The following PGM5 variants were observed in gnomAD, a reference collection of about 807,000 sequenced individuals.
PGM5 encodes phosphoglucomutase-like protein 5.
PGM5 carries 23 observed loss-of-function variants against 59.2 expected under a neutral mutation model. The ratio of observed to expected loss-of-function variants is 0.39; its 90% confidence interval spans 0.28 to 0.55. PGM5 has a LOEUF of 0.55. Ranked by LOEUF, PGM5 falls within the 20% of genes least tolerant of loss-of-function variation. The probability of loss-of-function intolerance (pLI) is 0.66; values close to 1 mark genes in which losing one functional copy is unlikely to be tolerated. For missense variants in PGM5, 574 were observed against 748.3 expected, an observed-to-expected ratio of 0.77 and a Z score of 2.72; for synonymous variants, 214 against 286.0, an observed-to-expected ratio of 0.75 and a Z score of 2.54.
At chr9:68,466,117 C>G in intron 7 of PGM5, 1 of 1,292,228 alleles carries the variant, frequency 7.7e-7, no homozygotes. Flanking sequence ...CTCTTACATT[C>G]ATTTTTCTGA....
chr9:68,362,639 A>C (rs1587768551), intron 1 of PGM5, among the ~76,000 whole-genome samples: 1 of 152,192 alleles, frequency 6.6e-6, no homozygotes, highest in African/African-American at 2.4e-5. Flanking sequence ...TCAGTGGTTT[A>C]GATCTTCTAT....
intron 9 of PGM5, among the ~76,000 whole-genome samples, chr9:68,488,344 T>C (rs1241202271): frequency 7.9e-5 from 12 of 152,294 alleles, no homozygotes; most frequent in Admixed American, 7.8e-4. Context: ...AGTCAGGAAA[T>C]AAACCATGGA....
At chr9:68,431,032 T>C (rs782028279) in intron 6 of PGM5, among the ~76,000 whole-genome samples, 1 of 152,222 alleles carries the variant, frequency 6.6e-6, no homozygotes, top group Non-Finnish European at 1.5e-5. Flanking sequence ...GAATAAATCC[T>C]GGGCCTTATG....
chr9:68,376,755 G>C (rs1821897063), intron 1 of PGM5, among the ~76,000 whole-genome samples: 1 of 149,114 alleles, frequency 6.7e-6, no homozygotes. Flanking sequence ...GGTGGGCCTT[G>C]AGGTTCTGCA....
At chr9:68,461,600 G>C (rs2132077005) in intron 6 of PGM5, among the ~76,000 whole-genome samples, 1 of 152,172 alleles carries the variant, frequency 6.6e-6, no homozygotes, top group Non-Finnish European at 1.5e-5. Context: ...ATGGCATTAA[G>C]ACCCTTATAA....
At chr9:68,515,153 T>C (rs542023529) in intron 10 of PGM5, among the ~76,000 whole-genome samples, 122 of 152,350 alleles carry the variant, frequency 8.0e-4, no homozygotes, top group African/African-American at 2.6e-3. Context: ...ACTTTAAATA[T>C]GTTAGGTTAA....
intron 8 of PGM5, among the ~76,000 whole-genome samples, chr9:68,482,719 G>T (rs527463988): frequency 8.1e-4 from 124 of 152,300 alleles, no homozygotes; most frequent in African/African-American, 2.9e-3. Context: ...ACAGTCCTAG[G>T]TGTGCCATTA....
intron 6 of PGM5, among the ~76,000 whole-genome samples, chr9:68,442,117 G>T (rs1823537793): frequency 6.6e-6 from 1 of 152,100 alleles, no homozygotes; most frequent in Non-Finnish European, 1.5e-5. Context: ...TAGTAAAGAT[G>T]TCATTTATTT....
intron 6 of PGM5, among the ~76,000 whole-genome samples, chr9:68,434,491 A>C (rs1427980699): frequency 2.0e-5 from 3 of 152,072 alleles, no homozygotes; most frequent in Non-Finnish European, 4.4e-5. Context: ...TAGTTAGCCA[A>C]AGGTGTGAAA....
intron 6 of PGM5, among the ~76,000 whole-genome samples, chr9:68,422,744 G>A (rs1037685464): frequency 3.3e-5 from 5 of 152,140 alleles, no homozygotes; most frequent in South Asian, 2.1e-4. Context: ...TTTTCCCATA[G>A]GTTATTGGGA....
intron 9 of PGM5, among the ~76,000 whole-genome samples, chr9:68,488,955 G>A (rs1323916663): frequency 6.6e-6 from 1 of 152,218 alleles, no homozygotes; most frequent in African/African-American, 2.4e-5. Flanking sequence ...CTTCTAAAGA[G>A]ATAGGACAGA....
At chr9:68,526,718 T>A (rs533709461) in intron 10 of PGM5, among the ~76,000 whole-genome samples, 1 of 152,274 alleles carries the variant, frequency 6.6e-6, no homozygotes, top group African/African-American at 2.4e-5. Flanking sequence ...GAAAAAATAA[T>A]TCTTCTATAA....
intron 6 of PGM5, among the ~76,000 whole-genome samples, chr9:68,411,490 A>G (rs1282279624): frequency 5.4e-5 from 8 of 147,346 alleles, no homozygotes; most frequent in African/African-American, 1.7e-4. Context: ...GTGTGTGTGT[A>G]TATATATATA....
In PGM5 at chr9:68,498,825, C is replaced by T. The variant is rs1425139168; in HGVS notation, c.1480-402C>T. ...ACCTTAATGTGGGCAATCCGTCTTA[C>T]TGTAATAGACAAATTGCCTGCTTTC... is the stretch of plus-strand genomic sequence containing the variant. On this transcript the variant is annotated intron_variant, in intron 9 of 10. Coordinates refer to ENST00000396396, the MANE Select transcript of PGM5 (RefSeq NM_021965.4). The T allele has an allele frequency of 2.4e-5, 5 of 208,308 alleles. No homozygotes were observed. The East Asian group carries it at 7.2e-4, about 30-fold the overall frequency. The allele number at this position is 208,308 out of a possible 1,614,324, so 12.9% of individuals were successfully genotyped here. A position where few individuals can be genotyped will look rare whatever the true frequency, so the allele number is the denominator to read the frequency against.
chr9:68,489,253 A>G (rs559888335), intron 9 of PGM5, among the ~76,000 whole-genome samples: 3 of 152,298 alleles, frequency 2.0e-5, no homozygotes, highest in Admixed American at 1.3e-4. Flanking sequence ...AGTGAAGGAC[A>G]GTGTGACAGA....
rs541611296 is a variant in PGM5, at chr9:68,469,291, G to A, written c.1159+4083G>A. On this transcript the variant is annotated intron_variant, in intron 7 of 10. Coordinates refer to ENST00000396396, the MANE Select transcript of PGM5 (RefSeq NM_021965.4). ...ACAAATTTGCCAACTAAAATCAAGCGATGTAACAATGTTTATTATTTCCAA... is the reference window on the plus strand; with the variant it reads ...ACAAATTTGCCAACTAAAATCAAGCAATGTAACAATGTTTATTATTTCCAA... Among the ~76,000 whole-genome samples the A allele has an allele frequency of 1.6e-3, 241 of 152,162 alleles. 1 individual carries two copies. The highest frequency in any genetic ancestry group is 3.5e-3 in the Admixed American group (53 of 15,288).
intron 10 of PGM5, among the ~76,000 whole-genome samples, chr9:68,514,264 T>C (rs564571920): frequency 6.6e-5 from 10 of 150,500 alleles, no homozygotes; most frequent in Non-Finnish European, 1.3e-4. Context: ...TGCTTAGGAG[T>C]TGAAGACCAG....
intron 6 of PGM5, among the ~76,000 whole-genome samples, chr9:68,420,554 A>G (rs1408132452): frequency 2.6e-5 from 4 of 152,328 alleles, no homozygotes; most frequent in African/African-American, 9.6e-5. Context: ...ACAAATGATC[A>G]TTGTGATGAC....
At chr9:68,417,406 G>A (rs1276711435) in intron 6 of PGM5, among the ~76,000 whole-genome samples, 3 of 150,550 alleles carry the variant, frequency 2.0e-5, no homozygotes, top group Non-Finnish European at 2.9e-5. Flanking sequence ...ATCTTGAGCT[G>A]TACTTCCCCT....
Sources: allele counts gnomAD v4.1 joint callset (sites outside exome capture counted in the v4.1 genomes callset), GRCh38; gene constraint gnomAD v4.1.1; transcripts MANE v1.5; gene names NCBI Gene and HGNC (gene_info 2026-07-23, HGNC 2026-07-21).